The following SOCS6 variants were observed in gnomAD, a reference collection of about 807,000 sequenced individuals.
SOCS6 encodes the protein suppressor of cytokine signaling 6, also known as STAT induced STAT inhibitor-4.
In SOCS6, 5 loss-of-function variants were observed where a neutral mutation model predicts 27.7. The ratio of observed to expected loss-of-function variants is 0.18; its 90% confidence interval spans 0.09 to 0.38. The LOEUF (loss-of-function observed/expected upper bound fraction) is 0.38. SOCS6 is among the 10% of genes least tolerant of loss of function. The pLI is 1.00. For missense variants in SOCS6, 595 were observed against 688.1 expected (o/e 0.86, Z 1.51); for synonymous variants, 271 against 260.0 (o/e 1.04, Z -0.41).
At chr18:70,321,311 A>ATTTTT (rs1910977223) in intron 1 of SOCS6, among the ~76,000 whole-genome samples, 2 of 72,628 alleles carry the variant, frequency 2.8e-5, no homozygotes, top group Non-Finnish European at 2.7e-5. Flanking sequence ...AAATTTTCTC[A>ATTTTT]GTTTTTTTTT....
intron 1 of SOCS6, among the ~76,000 whole-genome samples, chr18:70,293,853 G>A (rs975716289): frequency 5.3e-5 from 8 of 152,160 alleles, no homozygotes; most frequent in East Asian, 1.9e-4. Context: ...ACCACTTTGC[G>A]GGGCTGAGGC....
chr18:70,296,443 T>C (rs2062323070), intron 1 of SOCS6, among the ~76,000 whole-genome samples: 1 of 152,210 alleles, frequency 6.6e-6, no homozygotes, highest in Admixed American at 6.5e-5. Flanking sequence ...TCCTGTCTGT[T>C]GTCCCCATGG....
chr18:70,290,892 C>T (rs1356007258), intron 1 of SOCS6, among the ~76,000 whole-genome samples: 1 of 152,312 alleles, frequency 6.6e-6, no homozygotes, highest in East Asian at 1.9e-4. Flanking sequence ...CCCAAGCGCA[C>T]ACCCTCGGGT....
In SOCS6 at chr18:70,325,835, C is replaced by A. The variant is rs1218908076; in HGVS notation, c.1167C>A (p.Ile389=). ...LAKQGWYWGP[I]TRWEAEGKLA... ...AGCAAGGATGGTACTGGGGACCAAT[C>A]ACACGTTGGGAGGCAGAAGGGAAGC... Residue 389 remains isoleucine (I), a synonymous_variant, in exon 2 of 2, where the codon ATC becomes ATA. Coordinates refer to ENST00000397942, the MANE Select transcript of SOCS6 (RefSeq NM_004232.4). This position sits in a 1 kb window ranked among gnomAD's most constrained non-coding sequence, Gnocchi z 6.3. The A allele has an allele frequency of 1.9e-6, 3 of 1,614,212 alleles. No homozygotes were observed. The highest frequency in any genetic ancestry group is 2.5e-6 in the Non-Finnish European group (3 of 1,180,022).
chr18:70,297,595 G>C (rs1273044809), intron 1 of SOCS6, among the ~76,000 whole-genome samples: 1 of 152,132 alleles, frequency 6.6e-6, no homozygotes, highest in Admixed American at 6.5e-5. Flanking sequence ...AGCATCAAGA[G>C]ATCGCATCTT....
chr18:70,310,489 G>GTTTTTTTTTTTTTTTTTTTTTTT (rs2062386559), intron 1 of SOCS6, among the ~76,000 whole-genome samples: 1 of 27,260 alleles, frequency 3.7e-5, no homozygotes. Context: ...TTTTTTTTTT[G>GTTTTTTTTTTTTTTTTTTTTTTT]CAGAGACAGG....
chr18:70,317,527 CGTATAT>C (rs1568602798), intron 1 of SOCS6, among the ~76,000 whole-genome samples: 2,316 of 5,722 alleles, frequency 0.4, 101 homozygotes, highest in African/African-American at 0.44. Context: ...TACATATATA[CGTATAT>C]ATACACACTT....
chr18:70,309,484 G>A (rs1267935502), intron 1 of SOCS6, among the ~76,000 whole-genome samples: 6 of 151,626 alleles, frequency 4.0e-5, no homozygotes, highest in African/African-American at 1.5e-4. Flanking sequence ...ATATTTTTTG[G>A]TGTGCCAATT....
Position 70,327,945 on chromosome 18 carries a change from A to G in SOCS6, c.*1669A>G, listed in dbSNP as rs1334194572. On this transcript the variant is annotated 3_prime_UTR_variant, in exon 2 of 2. Coordinates refer to ENST00000397942, the MANE Select transcript of SOCS6 (RefSeq NM_004232.4). ...TAGGGTCAGAACTGAGATATTACCA[A>G]GAAAAGGCACAATGCCATAATATTA... 6.0e-6 allele frequency: 1 copy of G among 167,056 alleles called. No homozygotes were observed. Among genetic ancestry groups the G allele is most frequent in the Non-Finnish European group, 1.5e-5 (1 of 68,120 alleles). 10.3% of individuals were successfully genotyped at this position (167,056 alleles called of 1,614,324 possible). A position where few individuals can be genotyped will look rare whatever the true frequency, so the allele number is the denominator to read the frequency against.
chr18:70,313,559 T>G (rs1229141700), intron 1 of SOCS6, among the ~76,000 whole-genome samples: 2 of 152,170 alleles, frequency 1.3e-5, no homozygotes, highest in African/African-American at 4.8e-5. Context: ...ATACAAGAAA[T>G]TAAGTAAGAG....
Position 70,327,979 on chromosome 18 carries a change from T to C in SOCS6, c.*1703T>C, listed in dbSNP as rs1282947638. 18 of 167,052 alleles carry C rather than the reference T, an allele frequency of 1.1e-4. No homozygotes were observed. The Admixed American group carries it at 1.1e-3, about 10-fold the overall frequency. 10.3% of individuals were successfully genotyped at this position (167,052 alleles called of 1,614,324 possible). A position where few individuals can be genotyped will look rare whatever the true frequency, so the allele number is the denominator to read the frequency against. Reference sequence around the variant, plus strand: ...ACAATGCCATAATATTATGGTGTTATGGTATTTTGACTTAAAGGGGAAAAG... The same window carrying C: ...ACAATGCCATAATATTATGGTGTTACGGTATTTTGACTTAAAGGGGAAAAG... On this transcript the variant is annotated 3_prime_UTR_variant, in exon 2 of 2. Transcript: ENST00000397942.
intron 1 of SOCS6, among the ~76,000 whole-genome samples, chr18:70,308,653 T>C (rs2062378606): frequency 6.6e-6 from 1 of 152,234 alleles, no homozygotes. Flanking sequence ...ATTTATGAAA[T>C]TGGCTTTTTG....
chr18:70,318,533 A>G (rs1376747315), intron 1 of SOCS6, among the ~76,000 whole-genome samples: 1 of 152,118 alleles, frequency 6.6e-6, no homozygotes, highest in East Asian at 1.9e-4. Context: ...AAAGAGTGGA[A>G]ATACTGGAGA....
intron 1 of SOCS6, among the ~76,000 whole-genome samples, chr18:70,309,745 A>G (rs1382144731): frequency 6.6e-6 from 1 of 151,808 alleles, no homozygotes; most frequent in Non-Finnish European, 1.5e-5. Context: ...GTGCAGTGGC[A>G]TGATCTCAGC....
chr18:70,293,302 C>G (rs1320125689), intron 1 of SOCS6, among the ~76,000 whole-genome samples: 2 of 152,146 alleles, frequency 1.3e-5, no homozygotes, highest in Admixed American at 6.5e-5. Flanking sequence ...AATCATAGCA[C>G]TAATAAAACC....
At chr18:70,310,037 C>A (rs2062384300) in intron 1 of SOCS6, among the ~76,000 whole-genome samples, 1 of 152,192 alleles carries the variant, frequency 6.6e-6, no homozygotes, top group Non-Finnish European at 1.5e-5. Context: ...AACCTCAACA[C>A]TACTGTTAAC....
chr18:70,289,679 C>T (rs1175028899), intron 1 of SOCS6, among the ~76,000 whole-genome samples: 1 of 150,668 alleles, frequency 6.6e-6, no homozygotes, highest in East Asian at 2.0e-4. Context: ...CGGGGACGCC[C>T]CCGCCCCACC....
chr18:70,289,625 A>C (rs2062289708), intron 1 of SOCS6, among the ~76,000 whole-genome samples: 1 of 147,248 alleles, frequency 6.8e-6, no homozygotes, highest in African/African-American at 2.5e-5. Context: ...GGGCGCGGCG[A>C]GGCCGCAGGC....
At position 70,326,453 on chromosome 18, in the gene SOCS6, A is replaced by AT. The variant is rs1336127554; in HGVS notation, c.*181dup. 2 of 604,182 alleles carry AT rather than the reference A, an allele frequency of 3.3e-6. No individual in the cohort carries two copies. Among genetic ancestry groups the AT allele is most frequent in the Non-Finnish European group, 5.8e-6 (2 of 342,498 alleles). 37.4% of individuals were successfully genotyped at this position (604,182 alleles called of 1,614,324 possible). ...AGTGTCAGCAAGGTGTCTTGGGTTT[A>AT]TTTTGGTTCTTTAAAAAAGGGAAGT... On this transcript the variant is annotated 3_prime_UTR_variant, in exon 2 of 2. Transcript: ENST00000397942.
Sources: gnomAD v4.1 joint callset for allele counts (sites outside exome capture counted in the v4.1 genomes callset) on GRCh38, gnomAD v4.1.1 for gene constraint, Gnocchi (gnomAD v3.1) non-coding constraint, MANE v1.5 for transcripts, NCBI Gene and HGNC (gene_info 2026-07-23, HGNC 2026-07-21) for gene names.